The following UBL3 variants were observed in gnomAD, a reference collection of about 807,000 sequenced individuals.
UBL3 encodes ubiquitin like 3.
Under a neutral mutation model 18.4 loss-of-function variants are expected in UBL3, and 6 were observed. The ratio of observed to expected loss-of-function variants is 0.33; its 90% CI spans 0.18 to 0.64. The LOEUF (loss-of-function observed/expected upper bound fraction) is 0.64, where lower values mean the gene tolerates loss of function less well. Ranked by LOEUF, UBL3 falls within the 30% of genes least tolerant of loss-of-function variation. UBL3 has a pLI of 0.76. For synonymous variants in UBL3, 49 were observed against 46.6 expected, an observed-to-expected ratio of 1.05 and a Z score of -0.21; for missense variants, 109 against 142.9, an observed-to-expected ratio of 0.76 and a Z score of 1.21.
At chr13:29,795,313 C>A (rs1481960468) in intron 1 of UBL3, among the ~76,000 whole-genome samples, 1 of 151,954 alleles carries the variant, frequency 6.6e-6, no homozygotes, top group Non-Finnish European at 1.5e-5. Flanking sequence ...AAAAAATGAG[C>A]TATATATGGC....
rs1037289494 is a variant in UBL3, at chr13:29,841,068, T to C, written c.27+8444A>G. Among the ~76,000 whole-genome samples the C allele has an allele frequency of 3.3e-5, 5 of 152,100 alleles. 1 individual carries two copies. The highest frequency in any genetic ancestry group is 4.8e-5 in the African/African-American group (2 of 41,412). On this transcript the variant is annotated intron_variant, in intron 1 of 4. Transcript: ENST00000380680. ...TTATATGAAAGTAAAGAAAAACATA[T>C]ATCATAAGAACATTTTGTCTAGACA... is the stretch of plus-strand genomic sequence containing the variant.
chr13:29,849,461 T>A, intron 1 of UBL3, 51 bp downstream of exon 1: 1 of 1,613,592 alleles, frequency 6.2e-7, no homozygotes, highest in East Asian at 2.2e-5. Context: ...TCCGATTAAA[T>A]AAGATTGGAA....
chr13:29,831,897 A>G (rs1412744138), intron 1 of UBL3, among the ~76,000 whole-genome samples: 1 of 152,208 alleles, frequency 6.6e-6, no homozygotes, highest in East Asian at 1.9e-4. Flanking sequence ...GCACTGTCCA[A>G]TAATAGTAGC....
rs547592623 is a variant in UBL3, at chr13:29,776,848, C to T, written c.136+307G>A. Reference sequence around the variant, plus strand: ...ATCACGCCACTGCACTCCAGCCTGGCGACATAGCGAGACTCCATCTCAAAA... The same window carrying T: ...ATCACGCCACTGCACTCCAGCCTGGTGACATAGCGAGACTCCATCTCAAAA... On this transcript the variant is annotated intron_variant, in intron 2 of 4. Transcript: ENST00000380680. Among the ~76,000 whole-genome samples the T allele has an allele frequency of 1.3e-4, 15 of 119,638 alleles. No individual in the cohort carries two copies. In the South Asian group the frequency reaches 2.3e-3, roughly 18 times the overall value. The allele number at this position is 119,638 out of a possible 152,430, so 78.5% of individuals were successfully genotyped here.
In UBL3 at chr13:29,767,609, A is replaced by G. The variant is rs772867306; in HGVS notation, c.301+9T>C. ...CTCAACTGAGATACTTTTCCAGTGC[A>G]TGGCTTACCTTGAGAGTTTGGCTCT... is the stretch of plus-strand genomic sequence containing the variant. On this transcript the variant is annotated intron_variant, in intron 4 of 4. Coordinates refer to ENST00000380680, the MANE Select transcript of UBL3 (RefSeq NM_007106.4). 5 of 1,612,252 alleles carry G rather than the reference A, an allele frequency of 3.1e-6. No individual in the cohort carries two copies. In the African/African-American group the frequency reaches 5.3e-5, roughly 17 times the overall value.
intron 1 of UBL3, among the ~76,000 whole-genome samples, chr13:29,825,271 G>C (rs1878586172): frequency 6.6e-6 from 1 of 152,172 alleles, no homozygotes; most frequent in South Asian, 2.1e-4. Flanking sequence ...GGATGGCATT[G>C]AATCTATAAA....
intron 1 of UBL3, among the ~76,000 whole-genome samples, chr13:29,791,778 C>T (rs1404638344): frequency 1.3e-5 from 2 of 152,174 alleles, no homozygotes; most frequent in African/African-American, 4.8e-5. Context: ...CCCCCTTTCA[C>T]TCTCAAAAGT....
intron 1 of UBL3, among the ~76,000 whole-genome samples, chr13:29,816,284 C>T (rs1886170): frequency 0.81 from 123,859 of 151,986 alleles, 50,695 homozygotes; most frequent in East Asian, 0.93. Flanking sequence ...ATTGAAGAAA[C>T]TGACTAAATT....
chr13:29,846,531 G>A (rs1879231586), intron 1 of UBL3, among the ~76,000 whole-genome samples: 1 of 151,884 alleles, frequency 6.6e-6, no homozygotes, highest in Admixed American at 6.6e-5. Flanking sequence ...ATTTTAAATG[G>A]GAGTTCTACC....
intron 1 of UBL3, among the ~76,000 whole-genome samples, chr13:29,840,919 A>G (rs975694590): frequency 2.0e-5 from 3 of 152,214 alleles, no homozygotes; most frequent in East Asian, 1.9e-4. Flanking sequence ...ATAGATGTTC[A>G]TAATATAGGC....
At chr13:29,835,147 T>TATATAA (rs1878918745) in intron 1 of UBL3, among the ~76,000 whole-genome samples, 1 of 15,682 alleles carries the variant, frequency 6.4e-5, no homozygotes, top group Non-Finnish European at 1.2e-4. Context: ...TATATATATA[T>TATATAA]ATATATATAT....
intron 1 of UBL3, among the ~76,000 whole-genome samples, chr13:29,781,459 A>G (rs1459235459): frequency 6.6e-6 from 1 of 152,252 alleles, no homozygotes; most frequent in East Asian, 1.9e-4. Flanking sequence ...TATTCCTAAT[A>G]AACTATTAAT....
chr13:29,796,546 C>T (rs1304448985), intron 1 of UBL3, among the ~76,000 whole-genome samples: 1 of 152,068 alleles, frequency 6.6e-6, no homozygotes, highest in Non-Finnish European at 1.5e-5. Flanking sequence ...TATGGTACTA[C>T]AAATAAACTT....
At chr13:29,826,486 G>A (rs1485154045) in intron 1 of UBL3, among the ~76,000 whole-genome samples, 25 of 152,184 alleles carry the variant, frequency 1.6e-4, no homozygotes, top group Non-Finnish European at 7.3e-5. Context: ...TATTTGCGTA[G>A]AGGTGTTTAT....
rs118175619 is a variant in UBL3 at position 29,769,262 on chromosome 13, G to A, written c.224-1567C>T. ...GTCAAGACAGGCCTGGAAAGCTCCT[G>A]AGAGGCTTACCATTTGAAGTTACAA... On this transcript the variant is annotated intron_variant, in intron 3 of 4. Transcript: ENST00000380680. Among the ~76,000 whole-genome samples the A allele has an allele frequency of 1.7e-3, 258 of 152,182 alleles. 5 individuals are homozygous for A. In the East Asian group the frequency reaches 0.042, roughly 25 times the overall value.
chr13:29,781,524 T>C (rs1201355082), intron 1 of UBL3, among the ~76,000 whole-genome samples: 1 of 152,056 alleles, frequency 6.6e-6, no homozygotes, highest in Non-Finnish European at 1.5e-5. Context: ...TTCAAAGAAA[T>C]ATAAATGATT....
chr13:29,777,001 A>G (rs1452675212), intron 2 of UBL3, among the ~76,000 whole-genome samples, 154 bp downstream of exon 2: 2 of 152,022 alleles, frequency 1.3e-5, no homozygotes, highest in South Asian at 4.1e-4. Context: ...AGAGCAAGAT[A>G]AGGAAGGGTA....
intron 1 of UBL3, among the ~76,000 whole-genome samples, chr13:29,818,112 C>T (rs768503082): frequency 6.6e-6 from 1 of 152,132 alleles, no homozygotes; most frequent in African/African-American, 2.4e-5. Flanking sequence ...ACACCAGAAT[C>T]AGCTCTGCAT....
chr13:29,767,892 G>T (rs760917815), intron 3 of UBL3, among the ~76,000 whole-genome samples, 197 bp from the exon 4 acceptor site: 1 of 151,898 alleles, frequency 6.6e-6, no homozygotes, highest in Non-Finnish European at 1.5e-5. Context: ...ATTTTTTGCA[G>T]TTATATAGCC....
Sources: gnomAD v4.1 joint callset for allele counts (sites outside exome capture counted in the v4.1 genomes callset) on GRCh38, gnomAD v4.1.1 for gene constraint, MANE v1.5 for transcripts, NCBI Gene and HGNC (gene_info 2026-07-23, HGNC 2026-07-21) for gene names.